TRMT1L: variants seen among roughly 807,000 people sequenced by gnomAD.
TRMT1L encodes tRNA (guanine(27)-N(2))-dimethyltransferase.
TRMT1L carries 28 observed loss-of-function variants against 81.6 expected under a neutral mutation model. The ratio of observed to expected loss-of-function variants is 0.34; its 90% CI spans 0.25 to 0.47. The LOEUF is 0.47. TRMT1L is among the 20% of genes least tolerant of loss of function. TRMT1L has a pLI of 1.00. For missense variants in TRMT1L, 739 were observed against 877.1 expected (o/e 0.84, Z 1.99); for synonymous variants, 301 against 303.2 (o/e 0.99, Z 0.07).
chr1:185,137,671 T>A lies in TRMT1L; in HGVS notation c.1448A>T (p.Gln483Leu). Reference protein sequence around the residue: ...TSADETAKKIQYLIHCQWCEE... With the variant: ...TSADETAKKILYLIHCQWCEE... ...ACACCACTGACAATGGATCAGGTATTGAATCTTCTTGGCTGTTTCATCTGC... is the reference window on the plus strand; with the variant it reads ...ACACCACTGACAATGGATCAGGTATAGAATCTTCTTGGCTGTTTCATCTGC... Residue 483 changes from glutamine to leucine, a missense_variant, in exon 10 of 15, where the codon CAA (glutamine) becomes CTA (leucine). By Grantham distance (113) the Gln-to-Leu change is moderately radical. Transcript: ENST00000367506. 1.2e-6 allele frequency: 2 copies of A among 1,614,188 alleles called. No individual in the cohort carries two copies. The highest frequency in any genetic ancestry group is 8.5e-7 in the Non-Finnish European group (1 of 1,180,020).
At chr1:185,148,662 C>T (rs1653252092) in intron 3 of TRMT1L, among the ~76,000 whole-genome samples, 1 of 152,086 alleles carries the variant, frequency 6.6e-6, no homozygotes, top group African/African-American at 2.4e-5. Flanking sequence ...GAGACCAAAC[C>T]TAAAGGCTAA....
chr1:185,137,282 A>G (rs1652923662), intron 10 of TRMT1L, among the ~76,000 whole-genome samples: 1 of 152,222 alleles, frequency 6.6e-6, no homozygotes, highest in Admixed American at 6.5e-5. Context: ...TTATTTTTAT[A>G]AAATTAATGA....
chr1:185,139,710 C>G lies in TRMT1L; in HGVS notation c.1110-131G>C, dbSNP rs548451903. ...GCAAATATATTTTAAGTACATAATTCTGTTTTGAAATTAAGTAATAAAATG... is the reference window on the plus strand; with the variant it reads ...GCAAATATATTTTAAGTACATAATTGTGTTTTGAAATTAAGTAATAAAATG... On this transcript the variant is annotated intron_variant, in intron 8 of 14. Transcript: ENST00000367506. The G allele has an allele frequency of 5.2e-6, 4 of 770,556 alleles. No individual in the cohort carries two copies. In the South Asian group the frequency reaches 6.6e-5, roughly 13 times the overall value. 47.7% of individuals were successfully genotyped at this position (770,556 alleles called of 1,614,324 possible). A position where few individuals can be genotyped will look rare whatever the true frequency, so the allele number is the denominator to read the frequency against.
Position 185,143,400 on chromosome 1 carries a change from C to T in TRMT1L, c.816G>A (p.Glu272=). Residue 272 remains glutamate (E), a synonymous_variant, in exon 7 of 15, where the codon GAG becomes GAA. Transcript: ENST00000367506. ...LIFCTLAALA[E]ERKPLECLDA... ...CTAGACATTCCAAAGGTTTTCGTTC[C>T]TCAGCCAAAGCAGCCAATGTACAGA... The T allele has an allele frequency of 1.2e-6, 2 of 1,611,516 alleles. No homozygotes were observed. The highest frequency in any genetic ancestry group is 2.7e-5 in the African/African-American group (2 of 74,894).
intron 13 of TRMT1L, among the ~76,000 whole-genome samples, chr1:185,122,314 G>A (rs139287034): frequency 6.6e-6 from 1 of 152,288 alleles, no homozygotes; most frequent in African/African-American, 2.4e-5. Flanking sequence ...AAGATTTTAT[G>A]TGTTGACCAA....
rs766807336 is a variant in TRMT1L at position 185,124,926 on chromosome 1, T to C, written c.1759+18A>G. 2 of 1,601,498 alleles carry C rather than the reference T, an allele frequency of 1.2e-6. No individual in the cohort carries two copies. The highest frequency in any genetic ancestry group is 2.3e-5 in the South Asian group (2 of 88,302). ...GGTAAGCAGTTTAAAGCTAGTAAGC[T>C]AGCGTTCAGTTAGTCACCTTGCTTG... On this transcript the variant is annotated intron_variant, in intron 12 of 14. Coordinates refer to ENST00000367506, the MANE Select transcript of TRMT1L (RefSeq NM_030934.5).
intron 10 of TRMT1L, among the ~76,000 whole-genome samples, chr1:185,136,133 G>A (rs1350102903): frequency 6.6e-6 from 1 of 152,196 alleles, no homozygotes; most frequent in Non-Finnish European, 1.5e-5. Context: ...CTAGAGGCTG[G>A]GTGCAGAGGC....
At chr1:185,135,732 C>T (rs1447545598) in intron 10 of TRMT1L, among the ~76,000 whole-genome samples, 1 of 151,696 alleles carries the variant, frequency 6.6e-6, no homozygotes, top group Non-Finnish European at 1.5e-5. Flanking sequence ...AAAAAGGGAA[C>T]CATTCCAAAT....
rs778753183 is a variant in TRMT1L, at chr1:185,143,376, T to C, written c.840A>G (p.Leu280=). ...LAEERKPLEC[L]DAFGATGIMG... ...ACTTACCAGTGGCTCCAAAAGCATC[T>C]AGACATTCCAAAGGTTTTCGTTCCT... Residue 280 remains leucine, a synonymous_variant, in exon 7 of 15, where the codon CTA becomes CTG. Coordinates refer to ENST00000367506, the MANE Select transcript of TRMT1L (RefSeq NM_030934.5). 11 of 1,608,456 alleles carry C rather than the reference T, an allele frequency of 6.8e-6. No individual in the cohort carries two copies. The highest frequency in any genetic ancestry group is 5.0e-5 in the Admixed American group (3 of 59,422).
At chr1:185,125,980 T>G (rs545848661) in intron 11 of TRMT1L, among the ~76,000 whole-genome samples, 1 of 152,202 alleles carries the variant, frequency 6.6e-6, no homozygotes, top group Non-Finnish European at 1.5e-5. Flanking sequence ...AGAAATAGTC[T>G]GGGGTGAATC....
At chr1:185,128,540 G>A in intron 11 of TRMT1L, 129 bp downstream of exon 11, 3 of 819,270 alleles carry the variant, frequency 3.7e-6, no homozygotes, top group South Asian at 1.5e-5. Flanking sequence ...GAGGAGAAGA[G>A]TCATAATTAT....
chr1:185,155,452 T>C (rs529177877), intron 1 of TRMT1L, among the ~76,000 whole-genome samples: 1 of 152,372 alleles, frequency 6.6e-6, no homozygotes, highest in Admixed American at 6.5e-5. Context: ...GACTTTTGTC[T>C]TTCCTGTGAT....
chr1:185,151,810 C>T lies in TRMT1L; in HGVS notation c.346+15G>A. On this transcript the variant is annotated intron_variant, in intron 2 of 14. Coordinates refer to ENST00000367506, the MANE Select transcript of TRMT1L (RefSeq NM_030934.5). ...TAGAAACTAAGAAAAAAAAAAAACC[C>T]AAACATGGAAATACCTGCATCAAGA... 1 of 1,500,144 alleles carries T rather than the reference C, an allele frequency of 6.7e-7. No individual in the cohort carries two copies. Among genetic ancestry groups the T allele is most frequent in the Non-Finnish European group, 8.9e-7 (1 of 1,120,856 alleles). The allele number at this position is 1,500,144 out of a possible 1,614,324, so 92.9% of individuals were successfully genotyped here.
At chr1:185,137,172 T>C (rs1453806166) in intron 10 of TRMT1L, among the ~76,000 whole-genome samples, 1 of 152,236 alleles carries the variant, frequency 6.6e-6, no homozygotes, top group Non-Finnish European at 1.5e-5. Flanking sequence ...TTTTTCCTTG[T>C]TTCCCATCCC....
At chr1:185,152,995 A>G (rs1442149534) in intron 1 of TRMT1L, among the ~76,000 whole-genome samples, 1 of 152,192 alleles carries the variant, frequency 6.6e-6, no homozygotes, top group Non-Finnish European at 1.5e-5. Context: ...AGAAAGCCTA[A>G]GAAAAAAAGT....
chr1:185,146,414 ACCT>A (rs1653190031), intron 4 of TRMT1L, among the ~76,000 whole-genome samples: 1 of 151,918 alleles, frequency 6.6e-6, no homozygotes, highest in African/African-American at 2.4e-5. Context: ...TAGTGCTGCT[ACCT>A]CCTTTTTACT....
At chr1:185,127,111 GCCATAGTTT>G (rs2102231911) in intron 11 of TRMT1L, among the ~76,000 whole-genome samples, 1 of 152,212 alleles carries the variant, frequency 6.6e-6, no homozygotes, top group East Asian at 1.9e-4. Flanking sequence ...AAAACACTGT[GCCATAGTTT>G]CCTCATGTGT....
intron 7 of TRMT1L, among the ~76,000 whole-genome samples, chr1:185,142,739 A>G (rs1653082657): frequency 6.6e-6 from 1 of 152,126 alleles, no homozygotes; most frequent in Non-Finnish European, 1.5e-5. Context: ...TTTATGAGCC[A>G]TAACAATACA....
intron 7 of TRMT1L, among the ~76,000 whole-genome samples, chr1:185,141,234 A>G (rs1400070931): frequency 1.3e-5 from 2 of 152,098 alleles, no homozygotes; most frequent in Non-Finnish European, 2.9e-5. Flanking sequence ...CTTCACATAT[A>G]CGCATTTTTC....
Sources: allele counts gnomAD v4.1 joint callset (sites outside exome capture counted in the v4.1 genomes callset), GRCh38; gene constraint gnomAD v4.1.1; transcripts MANE v1.5; gene names NCBI Gene and HGNC (gene_info 2026-07-23, HGNC 2026-07-21).